The following PLCXD2 variants were observed in gnomAD, a reference collection of about 807,000 sequenced individuals.
PLCXD2 encodes phosphatidylinositol specific phospholipase C X domain containing 2, also known as PI-PLC X domain-containing protein 2.
Under a neutral mutation model 28.6 loss-of-function variants are expected in PLCXD2, and 21 were observed. The observed-to-expected ratio is 0.73, with a 90% CI of 0.52 to 1.06. The LOEUF (loss-of-function observed/expected upper bound fraction) is 1.06. PLCXD2 is among the 50% of genes least tolerant of loss of function. The pLI is 0.00. For synonymous variants in PLCXD2, 140 were observed against 150.1 expected (o/e 0.93, Z 0.49); for missense variants, 369 against 376.7 (o/e 0.98, Z 0.17).
chr3:111,713,637 G>A (rs967216989), intron 2 of PLCXD2, among the ~76,000 whole-genome samples: 2 of 152,054 alleles, frequency 1.3e-5, no homozygotes, highest in Non-Finnish European at 2.9e-5. Context: ...TGAGAAGGGG[G>A]TCCATGATTT....
chr3:111,726,299 A>G (rs897345771), intron 3 of PLCXD2: 20 of 156,172 alleles, frequency 1.3e-4, no homozygotes, highest in African/African-American at 4.6e-4. Flanking sequence ...CCTTGCTGCT[A>G]TTATACTTAG....
chr3:111,708,109 G>C lies in PLCXD2; in HGVS notation c.347G>C (p.Arg116Pro). Residue 116 changes from arginine to proline, a missense_variant, in exon 2 of 5, where the codon CGT (arginine) becomes CCT (proline). Coordinates refer to ENST00000477665, the MANE Select transcript of PLCXD2 (RefSeq NM_001185106.1). ...GCTGGGATCCGCTACTTTGACCTGC[G>C]TGTGTCTTCCAAACCAGGGGATGCC... The C allele has an allele frequency of 1.9e-6, 3 of 1,614,210 alleles. No individual in the cohort carries two copies. The highest frequency in any genetic ancestry group is 2.5e-6 in the Non-Finnish European group (3 of 1,180,032).
intron 2 of PLCXD2, among the ~76,000 whole-genome samples, chr3:111,712,475 C>T (rs553248445): frequency 4.5e-4 from 68 of 152,310 alleles, no homozygotes; most frequent in African/African-American, 1.3e-3. Context: ...ATCTGCTTAT[C>T]ATGAGCCTGT....
intron 1 of PLCXD2, among the ~76,000 whole-genome samples, chr3:111,692,114 T>C (rs1940886712): frequency 6.6e-6 from 1 of 152,226 alleles, no homozygotes; most frequent in South Asian, 2.1e-4. Flanking sequence ...CGATCTCGGC[T>C]CACTGCAAGC....
At chr3:111,705,531 TG>T (rs1423162991) in intron 1 of PLCXD2, among the ~76,000 whole-genome samples, 2 of 152,214 alleles carry the variant, frequency 1.3e-5, no homozygotes, top group Non-Finnish European at 2.9e-5. Flanking sequence ...TACCTATTAA[TG>T]GGGTTGCTGG....
chr3:111,677,338 C>T (rs888844457), intron 1 of PLCXD2: 1 of 152,188 alleles, frequency 6.6e-6, no homozygotes, highest in African/African-American at 2.4e-5. Context: ...GAGCTTCATA[C>T]TCACCAGATA....
intron 1 of PLCXD2, among the ~76,000 whole-genome samples, chr3:111,695,155 T>C (rs1305393310): frequency 1.2e-5 from 1 of 82,930 alleles, no homozygotes; most frequent in Non-Finnish European, 2.5e-5. Flanking sequence ...TTTTTACCCA[T>C]TTTCTAAAAA....
intron 3 of PLCXD2, among the ~76,000 whole-genome samples, chr3:111,717,838 A>G (rs1941289278): frequency 6.6e-6 from 1 of 152,152 alleles, no homozygotes; most frequent in Non-Finnish European, 1.5e-5. Context: ...TCCTTGGTCT[A>G]TCTTTAAGGA....
At chr3:111,718,345 G>C (rs1342318786) in intron 3 of PLCXD2, among the ~76,000 whole-genome samples, 1 of 152,028 alleles carries the variant, frequency 6.6e-6, no homozygotes, top group Non-Finnish European at 1.5e-5. Context: ...GGCGCCTGTA[G>C]TCCCAGCTAC....
At chr3:111,707,118 G>T (rs1263252752) in intron 1 of PLCXD2, among the ~76,000 whole-genome samples, 2 of 152,122 alleles carry the variant, frequency 1.3e-5, no homozygotes, top group Non-Finnish European at 2.9e-5. Context: ...CTATCCCTTT[G>T]TTAAGACAGA....
chr3:111,686,814 A>G (rs1367173866), intron 1 of PLCXD2, among the ~76,000 whole-genome samples: 2 of 152,154 alleles, frequency 1.3e-5, no homozygotes, highest in Non-Finnish European at 2.9e-5. Flanking sequence ...GTTCAATGTA[A>G]TATTTTATTA....
Position 111,708,087 on chromosome 3 carries a change from G to A in PLCXD2, c.325G>A (p.Gly109Arg). Reference sequence around the variant, plus strand: ...GACATTTCGAGAACAGCTGGAAGCTGGGATCCGCTACTTTGACCTGCGTGT... The same window carrying A: ...GACATTTCGAGAACAGCTGGAAGCTAGGATCCGCTACTTTGACCTGCGTGT... Residue 109 changes from glycine (G) to arginine (R), a missense_variant, in exon 2 of 5, where the codon GGG (glycine) becomes AGG (arginine). Coordinates refer to ENST00000477665, the MANE Select transcript of PLCXD2 (RefSeq NM_001185106.1). The A allele has an allele frequency of 1.2e-6, 2 of 1,614,212 alleles. No homozygotes were observed. Among genetic ancestry groups the A allele is most frequent in the Non-Finnish European group, 1.7e-6 (2 of 1,180,034 alleles).
At chr3:111,690,758 T>G (rs1940866002) in intron 1 of PLCXD2, among the ~76,000 whole-genome samples, 2 of 152,224 alleles carry the variant, frequency 1.3e-5, no homozygotes, top group South Asian at 4.1e-4. Context: ...AAAAACCTCT[T>G]CTTATCCTGG....
chr3:111,707,270 T>G (rs960952381), intron 1 of PLCXD2, among the ~76,000 whole-genome samples: 1 of 152,212 alleles, frequency 6.6e-6, no homozygotes, highest in Non-Finnish European at 1.5e-5. Context: ...TCCTACTGAC[T>G]CAGACTTTTA....
intron 1 of PLCXD2, among the ~76,000 whole-genome samples, chr3:111,680,838 C>T (rs1335351974): frequency 6.6e-6 from 1 of 152,198 alleles, no homozygotes; most frequent in African/African-American, 2.4e-5. Flanking sequence ...CTCTGTAACA[C>T]AGGTAATCTA....
intron 1 of PLCXD2, among the ~76,000 whole-genome samples, chr3:111,684,954 G>A (rs906100009): frequency 1.3e-5 from 2 of 152,172 alleles, no homozygotes; most frequent in Non-Finnish European, 2.9e-5. Flanking sequence ...AAGGGGCTTG[G>A]GTGAGAGAGA....
intron 1 of PLCXD2, among the ~76,000 whole-genome samples, chr3:111,688,707 A>C (rs1015395800): frequency 2.0e-5 from 3 of 152,218 alleles, no homozygotes; most frequent in Non-Finnish European, 2.9e-5. Context: ...ATTGCCTCCC[A>C]AGGACTGAGG....
chr3:111,721,086 T>C, intron 3 of PLCXD2: 1 of 340,126 alleles, frequency 2.9e-6, no homozygotes, highest in Non-Finnish European at 5.3e-6. Flanking sequence ...TTTTAAAACT[T>C]AAGTCCAAGG....
chr3:111,722,302 A>G (rs908854244), intron 3 of PLCXD2: 15 of 152,098 alleles, frequency 9.9e-5, no homozygotes, highest in African/African-American at 3.4e-4. Context: ...AGATGCTGCT[A>G]TGGTCTTTCT....
Sources: allele counts gnomAD v4.1 joint callset (sites outside exome capture counted in the v4.1 genomes callset), GRCh38; gene constraint gnomAD v4.1.1; transcripts MANE v1.5; gene names NCBI Gene and HGNC (gene_info 2026-07-23, HGNC 2026-07-21).